Variants in CCDC30 observed in about 807,000 individuals in gnomAD.
The protein encoded by CCDC30 is coiled-coil domain containing 30.
In CCDC30, 70 loss-of-function variants were observed where a neutral mutation model predicts 100.2. The observed-to-expected ratio is 0.70, with a 90% confidence interval of 0.58 to 0.85. The LOEUF (loss-of-function observed/expected upper bound fraction) is 0.85, where lower values mean the gene tolerates loss of function less well. CCDC30 is among the 40% of genes least tolerant of loss of function. The probability of loss-of-function intolerance (pLI) is 0.00; values close to 1 mark genes in which losing one functional copy is unlikely to be tolerated. For missense variants in CCDC30, 652 were observed against 771.2 expected, an observed-to-expected ratio of 0.85 and a Z score of 1.83; for synonymous variants, 233 against 269.5, an observed-to-expected ratio of 0.86 and a Z score of 1.33.
intron 8 of CCDC30, 61 bp downstream of exon 12, chr1:42,577,290 C>T (rs1645860166): frequency 9.1e-7 from 1 of 1,097,768 alleles, no homozygotes; most frequent in Non-Finnish European, 1.3e-6. Flanking sequence ...AATCTTATTT[C>T]CCTGAGGATT....
chr1:42,513,553 G>A (rs748729046), intron 6 of CCDC30, among the ~76,000 whole-genome samples: 4 of 152,118 alleles, frequency 2.6e-5, no homozygotes, highest in South Asian at 2.1e-4. Context: ...CACAACTGCC[G>A]GCATTCACCT....
rs533590443 is a variant in CCDC30 at position 42,582,621 on chromosome 1, C to G, written c.1001+1107C>G. Among the ~76,000 whole-genome samples the G allele has an allele frequency of 5.9e-5, 9 of 152,290 alleles. No individual in the cohort carries two copies. In the East Asian group the frequency reaches 1.7e-3, roughly 29 times the overall value. On this transcript the variant is annotated intron_variant, in intron 9 of 16. Transcript: ENST00000668663. ...TTGGCTACCTTTCTCAAAACACTCT[C>G]ATAATAAACAGGTTATCATTTGGCT...
At chr1:42,462,682 A>G (rs190354375), upstream of CCDC30, among the ~76,000 whole-genome samples, 12 of 152,352 alleles carry the variant, frequency 7.9e-5, no homozygotes, top group African/African-American at 2.9e-4. Flanking sequence ...TGAGTATGTT[A>G]AATTTTGTGT....
intron 4 of CCDC30, among the ~76,000 whole-genome samples, chr1:42,496,637 C>T (rs1644237059): frequency 6.6e-6 from 1 of 152,120 alleles, no homozygotes; most frequent in Admixed American, 6.5e-5. Context: ...GGTATTAACA[C>T]TTTACAATTC....
intron 10 of CCDC30, among the ~76,000 whole-genome samples, chr1:42,602,440 C>T (rs1219478418): frequency 1.3e-5 from 2 of 151,868 alleles, no homozygotes; most frequent in Non-Finnish European, 2.9e-5. Flanking sequence ...TTACAAATTA[C>T]AAATAACAGA....
intron 9 of CCDC30, among the ~76,000 whole-genome samples, chr1:42,585,040 G>T (rs1646041509): frequency 6.6e-6 from 1 of 152,098 alleles, no homozygotes; most frequent in South Asian, 2.1e-4. Context: ...TTTTTGGAAG[G>T]TAATTAATTA....
intron 4 of CCDC30, among the ~76,000 whole-genome samples, chr1:42,494,251 G>A (rs1214029862): frequency 6.6e-6 from 1 of 152,132 alleles, no homozygotes; most frequent in Admixed American, 6.5e-5. Flanking sequence ...ACAAGCAATG[G>A]GGAAAGGATT....
chr1:42,644,292 A>G (rs1647694526), intron 13 of CCDC30, among the ~76,000 whole-genome samples: 1 of 152,204 alleles, frequency 6.6e-6, no homozygotes, highest in African/African-American at 2.4e-5. Flanking sequence ...GGAAGCATCC[A>G]GCATGGGAGA....
upstream of CCDC30, among the ~76,000 whole-genome samples, chr1:42,458,968 A>G (rs1643322182): frequency 6.6e-6 from 1 of 152,226 alleles, no homozygotes; most frequent in South Asian, 2.1e-4. Context: ...AAATATTTGT[A>G]TGAACAGATT....
At chr1:42,471,660 T>A (rs896058574) in intron 1 of CCDC30, among the ~76,000 whole-genome samples, 5 of 152,080 alleles carry the variant, frequency 3.3e-5, no homozygotes, top group African/African-American at 1.2e-4. Flanking sequence ...GGGGAAGATA[T>A]GAGTGGGGAC....
chr1:42,644,716 A>G, exon 14 of CCDC30: 1 of 1,610,030 alleles, frequency 6.2e-7, no homozygotes. Context: ...GATAAAGAAA[A>G]TAAGCAATTA....
intron 1 of CCDC30, 99 bp from the exon 2 acceptor site, chr1:42,480,362 T>A (rs1643938577): frequency 1.3e-5 from 2 of 152,060 alleles, no homozygotes; most frequent in African/African-American, 4.8e-5. Flanking sequence ...ATTATTTTTA[T>A]ATATTGACCT....
Position 42,473,019 on chromosome 1 carries a change from G to A in CCDC30, c.-91-7442G>A, listed in dbSNP as rs572997303. Reference sequence around the variant, plus strand: ...TCTATTGCTAGTACCCTAAAGACTAGTACTCTAATAAGGAGACTAAGGTGG... The same window carrying A: ...TCTATTGCTAGTACCCTAAAGACTAATACTCTAATAAGGAGACTAAGGTGG... On this transcript the variant is annotated intron_variant, in intron 1 of 16. Coordinates refer to ENST00000668663, the Ensembl canonical transcript of CCDC30. The A allele has an allele frequency of 2.8e-5, 30 of 1,072,868 alleles. 1 individual carries two copies. The African/African-American group carries it at 4.4e-4, about 16-fold the overall frequency. The allele number at this position is 1,072,868 out of a possible 1,614,324, so 66.5% of individuals were successfully genotyped here.
chr1:42,585,710 T>C (rs1412103968), intron 9 of CCDC30, among the ~76,000 whole-genome samples: 1 of 152,150 alleles, frequency 6.6e-6, no homozygotes, highest in African/African-American at 2.4e-5. Context: ...TGTTGTATCC[T>C]ATAAATTTTG....
chr1:42,614,281 C>T (rs1432570293), intron 11 of CCDC30, among the ~76,000 whole-genome samples: 2 of 151,602 alleles, frequency 1.3e-5, no homozygotes, highest in African/African-American at 2.4e-5. Flanking sequence ...AGGGTTTCAC[C>T]GTGTTAGCCA....
intron 6 of CCDC30, among the ~76,000 whole-genome samples, chr1:42,550,452 G>C (rs965277917): frequency 1.3e-5 from 2 of 152,066 alleles, no homozygotes; most frequent in Non-Finnish European, 2.9e-5. Flanking sequence ...TGACCCATAA[G>C]GCCCTCCATG....
At chr1:42,601,552 A>G (rs974034273) in intron 10 of CCDC30, among the ~76,000 whole-genome samples, 4 of 152,134 alleles carry the variant, frequency 2.6e-5, no homozygotes, top group African/African-American at 9.7e-5. Flanking sequence ...ACCCCTAACC[A>G]CAATCCAGGA....
upstream of CCDC30, chr1:42,463,237 A>G (rs1336976605): frequency 1.3e-5 from 2 of 152,188 alleles, no homozygotes; most frequent in Admixed American, 1.3e-4. Flanking sequence ...CGTCGTCTCT[A>G]TGGTTCCCGC....
intron 1 of CCDC30, among the ~76,000 whole-genome samples, chr1:42,476,830 C>A (rs931308550): frequency 6.6e-6 from 1 of 150,716 alleles, no homozygotes; most frequent in African/African-American, 2.4e-5. Context: ...CATTCGGGAT[C>A]ATTTTCCTTT....
Sources: gnomAD v4.1 joint callset for allele counts (sites outside exome capture counted in the v4.1 genomes callset) on GRCh38, gnomAD v4.1.1 for gene constraint, MANE v1.5 for transcripts, NCBI Gene and HGNC (gene_info 2026-07-23, HGNC 2026-07-21) for gene names.